Variants in ACAD9 observed in about 807,000 individuals in gnomAD.
ACAD9 encodes the protein complex I assembly factor ACAD9, mitochondrial.
In ACAD9, 53 loss-of-function variants were observed where a neutral mutation model predicts 70.2. That is an observed-to-expected ratio of 0.75 (90% CI 0.61 to 0.95). The LOEUF is 0.95. Among genes scored for constraint, ACAD9 ranks in the 40% least tolerant of loss-of-function variants. The probability of loss-of-function intolerance (pLI) is 0.00; values close to 1 mark genes in which losing one functional copy is unlikely to be tolerated. For synonymous variants in ACAD9, 313 were observed against 312.1 expected, an observed-to-expected ratio of 1.00 and a Z score of -0.03; for missense variants, 777 against 802.8, an observed-to-expected ratio of 0.97 and a Z score of 0.39.
chr3:128,909,587 GC>G, intron 15 of ACAD9, 166 bp downstream of exon 15: 1 of 737,386 alleles, frequency 1.4e-6, no homozygotes, highest in Non-Finnish European at 2.3e-6. Context: ...TCAGCCTGGG[GC>G]CCACTTAGCT....
chr3:128,886,692 G>C (rs1398355243), intron 2 of ACAD9, among the ~76,000 whole-genome samples: 1 of 144,352 alleles, frequency 6.9e-6, no homozygotes, highest in Non-Finnish European at 1.5e-5. Flanking sequence ...TGGGCAATAA[G>C]AGTGAAACTC....
Position 128,912,725 on chromosome 3 carries a change from G to A in ACAD9, c.*118G>A, listed in dbSNP as rs773593776. 15 of 972,176 alleles carry A rather than the reference G, an allele frequency of 1.5e-5. No homozygotes were observed. Among genetic ancestry groups the A allele is most frequent in the Middle Eastern group, 2.1e-4 (1 of 4,844 alleles). 60.2% of individuals were successfully genotyped at this position (972,176 alleles called of 1,614,324 possible). On this transcript the variant is annotated 3_prime_UTR_variant, in exon 18 of 18. Transcript: ENST00000308982. ...TCACAGGTTAAGCCTTTTGTTCCCC[G>A]TCTGCACCTGAAGGGTTGTCGCCTG...
intron 13 of ACAD9, 176 bp downstream of exon 13, chr3:128,908,440 C>T: frequency 1.4e-6 from 1 of 714,402 alleles, no homozygotes; most frequent in Non-Finnish European, 2.4e-6. Flanking sequence ...CCCAGGGAAG[C>T]CCTCGCTGCC....
intron 1 of ACAD9, among the ~76,000 whole-genome samples, chr3:128,880,433 CAG>C (rs145906822): frequency 0.013 from 1,950 of 152,212 alleles, 31 homozygotes; most frequent in African/African-American, 0.032. Context: ...TTTTTTGAGA[CAG>C]AGTCGCGCTC....
At chr3:128,879,900 CA>C (rs1373210240) in intron 1 of ACAD9, 59 bp downstream of exon 1, 1 of 1,612,562 alleles carries the variant, frequency 6.2e-7, no homozygotes, top group Non-Finnish European at 8.5e-7. Flanking sequence ...CCCTCAGCTG[CA>C]AGACTGGTGT....
At chr3:128,896,342 G>T in intron 4 of ACAD9, 94 bp from the exon 5 acceptor site, 2 of 1,322,474 alleles carry the variant, frequency 1.5e-6, no homozygotes, top group Non-Finnish European at 1.1e-6. Flanking sequence ...CTTGCCCGAA[G>T]TAAATATTTG....
intron 2 of ACAD9, among the ~76,000 whole-genome samples, chr3:128,885,539 G>A (rs780174388): frequency 2.3e-4 from 35 of 151,962 alleles, no homozygotes; most frequent in African/African-American, 3.6e-4. Context: ...CTACAGGTGC[G>A]CACCCCCATG....
intron 1 of ACAD9, among the ~76,000 whole-genome samples, 192 bp from the exon 2 acceptor site, chr3:128,884,461 G>A (rs1356410406): frequency 1.3e-5 from 2 of 152,162 alleles, no homozygotes; most frequent in African/African-American, 2.4e-5. Context: ...GATGGATGTG[G>A]GTGGTGGAGC....
chr3:128,892,794 A>T (rs1935459778), intron 2 of ACAD9, among the ~76,000 whole-genome samples: 1 of 152,238 alleles, frequency 6.6e-6, no homozygotes, highest in Non-Finnish European at 1.5e-5. Context: ...AGATACTGCC[A>T]TGAGGTGGCT....
intron 16 of ACAD9, 22 bp downstream of exon 16, chr3:128,910,171 A>G (rs1936106118): frequency 6.2e-7 from 1 of 1,613,792 alleles, no homozygotes; most frequent in Non-Finnish European, 8.5e-7. Flanking sequence ...CCAGCCTCAC[A>G]CAGGGCCTGG....
chr3:128,880,983 C>T (rs190074493), intron 1 of ACAD9, among the ~76,000 whole-genome samples: 2 of 150,922 alleles, frequency 1.3e-5, no homozygotes, highest in African/African-American at 2.4e-5. Context: ...GCTATTTCGT[C>T]GAGGTGCCCT....
intron 6 of ACAD9, 63 bp downstream of exon 6, chr3:128,897,773 A>T: frequency 7.0e-7 from 1 of 1,431,206 alleles, no homozygotes; most frequent in Non-Finnish European, 9.7e-7. Flanking sequence ...CCACTGAGTG[A>T]GCACTCTCCA....
At chr3:128,907,831 A>G (rs966364665) in intron 12 of ACAD9, among the ~76,000 whole-genome samples, 2 of 152,154 alleles carry the variant, frequency 1.3e-5, no homozygotes, top group Non-Finnish European at 2.9e-5. Flanking sequence ...GGAGCCAGCA[A>G]TGTCTGTCTG....
chr3:128,908,725 AGGAGACAGCTGCTGGG>A (rs771166159), intron 13 of ACAD9: 3 of 594,788 alleles, frequency 5.0e-6, no homozygotes, highest in Non-Finnish European at 8.9e-6. Context: ...TCTCCTTCAC[AGGAGACAGCTGCTGGG>A]AAGCTGGCTG....
chr3:128,908,435 G>C (rs1935973662), intron 13 of ACAD9, 171 bp downstream of exon 13: 1 of 761,924 alleles, frequency 1.3e-6, no homozygotes, highest in Admixed American at 2.1e-5. Context: ...TGCTGCCCAG[G>C]GAAGCCCTCG....
intron 2 of ACAD9, among the ~76,000 whole-genome samples, chr3:128,892,164 CTT>C (rs149609225): frequency 0.011 from 1,712 of 152,242 alleles, 14 homozygotes; most frequent in Non-Finnish European, 0.017. Context: ...GGCATAGAGA[CTT>C]TTGGTGAAAA....
chr3:128,898,439 T>C (rs1935631483), intron 6 of ACAD9: 1 of 439,092 alleles, frequency 2.3e-6, no homozygotes, highest in Non-Finnish European at 4.4e-6. Context: ...AGGGTCCCGC[T>C]CTGTCACCCA....
chr3:128,889,865 G>A (rs1322353657), intron 2 of ACAD9, among the ~76,000 whole-genome samples: 1 of 151,926 alleles, frequency 6.6e-6, no homozygotes, highest in African/African-American at 2.4e-5. Context: ...TTTGTTGCCT[G>A]GGCTGGAGTG....
Position 128,902,605 on chromosome 3 carries a change from C to G in ACAD9, c.935C>G (p.Ala312Gly). The G allele has an allele frequency of 1.2e-6, 2 of 1,614,146 alleles. No individual in the cohort carries two copies. Among genetic ancestry groups the G allele is most frequent in the Non-Finnish European group, 1.7e-6 (2 of 1,180,016 alleles). ...SGRFSMGSVV[A>G]GLLKRLIEMT... ...CGGTTCAGCATGGGCAGCGTCGTGG[C>G]TGGGCTGCTCAAGAGATTGATTGGT... The change falls in exon 9 of 18, where the codon GCT (alanine) becomes GGT (glycine). Residue 312 changes from alanine (A) to glycine (G), a missense_variant. By Grantham distance (60) the Ala-to-Gly change is moderately conservative (BLOSUM62 0). Transcript: ENST00000308982. The surrounding 1 kb of genome is among the most constrained non-coding windows in gnomAD (Gnocchi z 4.0).
Sources: gnomAD v4.1 joint callset for allele counts (sites outside exome capture counted in the v4.1 genomes callset) on GRCh38, gnomAD v4.1.1 for gene constraint, Gnocchi (gnomAD v3.1) non-coding constraint, MANE v1.5 for transcripts, NCBI Gene and HGNC (gene_info 2026-07-23, HGNC 2026-07-21) for gene names.